Variants in EDARADD observed in about 807,000 individuals in gnomAD.
EDARADD encodes EDAR associated via death domain, also known as ectodysplasin-A receptor-associated adapter protein.
Under a neutral mutation model 25.6 loss-of-function variants are expected in EDARADD, and 20 were observed. That is an observed-to-expected ratio of 0.78 (90% CI 0.55 to 1.14). The LOEUF (loss-of-function observed/expected upper bound fraction) is 1.14. Among genes scored for constraint, EDARADD ranks in the 50% most tolerant of loss-of-function variants. The pLI is 0.00. For synonymous variants in EDARADD, 86 were observed against 94.4 expected, an observed-to-expected ratio of 0.91 and a Z score of 0.52; for missense variants, 225 against 270.1, an observed-to-expected ratio of 0.83 and a Z score of 1.17.
At chr1:236,359,554 C>A (rs1389001229) in intron 3 of EDARADD, among the ~76,000 whole-genome samples, 2 of 152,168 alleles carry the variant, frequency 1.3e-5, no homozygotes, top group Non-Finnish European at 2.9e-5. Context: ...AAAGGTATAA[C>A]CTAGACTGGG....
chr1:236,447,061 A>G (rs1475106151), intron 4 of EDARADD, among the ~76,000 whole-genome samples: 3 of 152,166 alleles, frequency 2.0e-5, no homozygotes, highest in Non-Finnish European at 2.9e-5. Flanking sequence ...CAGAGCACCT[A>G]TAGCGAAATC....
rs1658554759 is a variant in EDARADD at position 236,446,908 on chromosome 1, C to T, written c.219+19458C>T. Among the ~76,000 whole-genome samples the T allele has an allele frequency of 2.0e-5, 3 of 152,158 alleles. No individual in the cohort carries two copies. The South Asian group carries it at 6.2e-4, about 31-fold the overall frequency. ...AACGCATGTGAATATTTAGTGTCCA[C>T]ATTTGATCAGGTTGTCCCAGGTACT... On this transcript the variant is annotated intron_variant, in intron 4 of 5. Coordinates refer to ENST00000334232, the MANE Select transcript of EDARADD (RefSeq NM_145861.4).
At chr1:236,375,585 G>A (rs1228157102) in intron 3 of EDARADD, among the ~76,000 whole-genome samples, 2 of 150,942 alleles carry the variant, frequency 1.3e-5, no homozygotes, top group East Asian at 1.9e-4. Flanking sequence ...GAACCCAGGA[G>A]GTGGAGGTTG....
At chr1:236,392,595 C>T (rs1461056911), upstream of EDARADD, among the ~76,000 whole-genome samples, 1 of 151,888 alleles carries the variant, frequency 6.6e-6, no homozygotes, top group Non-Finnish European at 1.5e-5. Flanking sequence ...AAGCGATTCT[C>T]CTGCCTCAGC....
At chr1:236,353,700 A>G (rs1666944748) in intron 3 of EDARADD, among the ~76,000 whole-genome samples, 2 of 138,414 alleles carry the variant, frequency 1.4e-5, no homozygotes, top group Admixed American at 7.5e-5. Flanking sequence ...AAAAAAAAAG[A>G]TATTGGACTA....
chr1:236,360,132 T>C (rs1479977270), intron 3 of EDARADD, among the ~76,000 whole-genome samples: 1 of 151,924 alleles, frequency 6.6e-6, no homozygotes, highest in Non-Finnish European at 1.5e-5. Context: ...CTGGTCAACA[T>C]AGCAAGAGCT....
At chr1:236,456,078 C>T (rs900479563) in intron 4 of EDARADD, among the ~76,000 whole-genome samples, 10 of 152,052 alleles carry the variant, frequency 6.6e-5, no homozygotes, top group East Asian at 1.9e-4. Context: ...CGTGAGCCAC[C>T]GCGCCCAGGT....
intron 4 of EDARADD, among the ~76,000 whole-genome samples, chr1:236,437,937 G>A (rs1349345380): frequency 4.0e-5 from 6 of 151,880 alleles, no homozygotes; most frequent in African/African-American, 2.4e-5. Context: ...TTGTAGAGAC[G>A]GGGTTTCACC....
In EDARADD at chr1:236,462,235, GT is replaced by G. The variant is rs551894450; in HGVS notation, c.220-5988del. 3.6e-3 allele frequency among the ~76,000 whole-genome samples: 546 copies of G among 152,110 alleles called. 2 individuals are homozygous for G. The highest frequency in any genetic ancestry group is 0.023 in the South Asian group (113 of 4,812). On this transcript the variant is annotated intron_variant, in intron 4 of 5. Coordinates refer to ENST00000334232, the MANE Select transcript of EDARADD (RefSeq NM_145861.4). ...TGGATTGGTTGCTGTGAATCTCCTA[GT>G]TTTTTTTGTTTTGGTTTGGTTTGGG...
chr1:236,379,167 C>T (rs533041155), intron 3 of EDARADD, among the ~76,000 whole-genome samples: 46 of 152,082 alleles, frequency 3.0e-4, no homozygotes, highest in Non-Finnish European at 4.6e-4. Flanking sequence ...GTCAGGAGTT[C>T]GAGACCAGCC....
At chr1:236,430,886 G>A (rs956803682) in intron 4 of EDARADD, among the ~76,000 whole-genome samples, 1 of 152,210 alleles carries the variant, frequency 6.6e-6, no homozygotes, top group Non-Finnish European at 1.5e-5. Context: ...GTGGGGCTGA[G>A]GCAGGTGGAT....
intron 3 of EDARADD, among the ~76,000 whole-genome samples, chr1:236,368,386 T>C (rs1667135510): frequency 6.6e-6 from 1 of 152,028 alleles, no homozygotes; most frequent in African/African-American, 2.4e-5. Flanking sequence ...ATTCACATTA[T>C]TCTCTTGTCT....
At chr1:236,453,051 C>T (rs1009282377) in intron 4 of EDARADD, among the ~76,000 whole-genome samples, 16 of 152,194 alleles carry the variant, frequency 1.1e-4, no homozygotes, top group African/African-American at 3.6e-4. Context: ...ACCCTGATGT[C>T]TGTATTTGTA....
At chr1:236,439,405 A>G (rs937657045) in intron 4 of EDARADD, among the ~76,000 whole-genome samples, 2 of 152,188 alleles carry the variant, frequency 1.3e-5, no homozygotes, top group African/African-American at 4.8e-5. Context: ...GAGGCTGTTT[A>G]GGTTTCTAAG....
intron 3 of EDARADD, among the ~76,000 whole-genome samples, chr1:236,417,314 G>A (rs551823814): frequency 1.4e-4 from 21 of 152,280 alleles, no homozygotes; most frequent in Admixed American, 2.6e-4. Flanking sequence ...TGTAATTAGC[G>A]TTAAGAGTTT....
At chr1:236,429,811 T>C (rs1427037809) in intron 4 of EDARADD, among the ~76,000 whole-genome samples, 1 of 152,240 alleles carries the variant, frequency 6.6e-6, no homozygotes, top group African/African-American at 2.4e-5. Context: ...GGTCAGTTAC[T>C]TCTTGTACTG....
intron 3 of EDARADD, among the ~76,000 whole-genome samples, chr1:236,357,102 A>T (rs1018642203): frequency 2.0e-5 from 3 of 152,098 alleles, no homozygotes; most frequent in South Asian, 2.1e-4. Context: ...AAATAAAAAA[A>T]AAAAGTTTTT....
At position 236,480,133 on chromosome 1, in the gene EDARADD, A is replaced by C. The variant is rs562878892; in HGVS notation, c.266-2134A>C. Among the ~76,000 whole-genome samples the C allele has an allele frequency of 2.5e-3, 361 of 142,110 alleles. 4 individuals are homozygous for C. Among genetic ancestry groups the C allele is most frequent in the African/African-American group, 9.1e-3 (344 of 37,680 alleles). The allele number at this position is 142,110 out of a possible 152,430, so 93.2% of individuals were successfully genotyped here. Reference sequence around the variant, plus strand: ...TATATATATATATATATATATATATATATCACATTTTCTTTATCCACTCAT... The same window carrying C: ...TATATATATATATATATATATATATCTATCACATTTTCTTTATCCACTCAT... On this transcript the variant is annotated intron_variant, in intron 5 of 5. Transcript: ENST00000334232.
chr1:236,466,984 G>C (rs1029540986), intron 4 of EDARADD, among the ~76,000 whole-genome samples: 1 of 151,908 alleles, frequency 6.6e-6, no homozygotes, highest in Non-Finnish European at 1.5e-5. Flanking sequence ...GGAGAATGGC[G>C]TGAACCCAGG....
Sources: allele counts gnomAD v4.1 joint callset (sites outside exome capture counted in the v4.1 genomes callset), GRCh38; gene constraint gnomAD v4.1.1; transcripts MANE v1.5; gene names NCBI Gene and HGNC (gene_info 2026-07-23, HGNC 2026-07-21).